The following BCAN variants were observed in gnomAD, a reference collection of about 807,000 sequenced individuals.
BCAN encodes brevican core protein.
In BCAN, 51 loss-of-function variants were observed where a neutral mutation model predicts 92.4. That is an observed-to-expected ratio of 0.55 (90% confidence interval 0.44 to 0.70). The LOEUF is 0.70. BCAN is among the 30% of genes least tolerant of loss of function. The pLI is 0.00. For synonymous variants in BCAN, 501 were observed against 505.2 expected (o/e 0.99, Z 0.11); for missense variants, 1,140 against 1,212.1 (o/e 0.94, Z 0.88).
chr1:156,643,914 G>C (rs1464611435), intron 1 of BCAN: 1 of 152,374 alleles, frequency 6.6e-6, no homozygotes. Context: ...TCTGGAGGAA[G>C]AGAAGAGGAA....
chr1:156,645,975 T>A (rs2102554869), intron 1 of BCAN, 72 bp from the exon 2 acceptor site: 2 of 1,312,692 alleles, frequency 1.5e-6, no homozygotes, highest in East Asian at 5.0e-5. Context: ...CCCACATGGG[T>A]GTGGTAGGGA....
In BCAN at chr1:156,642,128, G is replaced by A. The variant is rs1221416091; in HGVS notation, c.-156G>A. ...GGAGGGCCGGCGCCCTCTTCCGAAT[G>A]TCCTGCGGCCCCAGCCTCTCCTCAC... On this transcript the variant is annotated 5_prime_UTR_variant, in exon 1 of 14. The change abolishes an upstream ATG in the 5' untranslated region. Coordinates refer to ENST00000329117, the MANE Select transcript of BCAN (RefSeq NM_021948.5). The surrounding 1 kb of genome is among the most constrained non-coding windows in gnomAD (Gnocchi z 4.2). 6.6e-6 allele frequency: 1 copy of A among 152,330 alleles called. No individual in the cohort carries two copies. The highest frequency in any genetic ancestry group is 2.4e-5 in the African/African-American group (1 of 41,464). 9.4% of individuals were successfully genotyped at this position (152,330 alleles called of 1,614,324 possible).
intron 10 of BCAN, chr1:156,657,382 C>T: frequency 1.8e-6 from 1 of 557,998 alleles, no homozygotes; most frequent in Non-Finnish European, 3.1e-6. Flanking sequence ...CCTCCCTGCT[C>T]TCCGACCTCC....
chr1:156,647,738 C>T lies in BCAN; in HGVS notation c.641+56C>T. On this transcript the variant is annotated intron_variant, in intron 4 of 13. Coordinates refer to ENST00000329117, the MANE Select transcript of BCAN (RefSeq NM_021948.5). This position sits in a 1 kb window ranked among gnomAD's most constrained non-coding sequence, Gnocchi z 4.8. Reference sequence around the variant, plus strand: ...TTGGCCCCTGAGGTGGCCATGGCCCCCCTTCTGCTGGGTGCTGCCTGCTGT... The same window carrying T: ...TTGGCCCCTGAGGTGGCCATGGCCCTCCTTCTGCTGGGTGCTGCCTGCTGT... 1 of 1,554,296 alleles carries T rather than the reference C, an allele frequency of 6.4e-7. No homozygotes were observed. The highest frequency in any genetic ancestry group is 1.2e-5 in the South Asian group (1 of 83,364).
chr1:156,658,038 C>T lies in BCAN; in HGVS notation c.2293-89C>T, dbSNP rs368996554. 114 of 1,496,178 alleles carry T rather than the reference C, an allele frequency of 7.6e-5. 3 individuals carry two copies. In the East Asian group the frequency reaches 9.5e-4, roughly 12 times the overall value. The allele number at this position is 1,496,178 out of a possible 1,614,324, so 92.7% of individuals were successfully genotyped here. Reference sequence around the variant, plus strand: ...CCTAACCTTCCCTCTCCTGGGGCCCCGCTCACCAGCCCTCCTCCCCAGATC... The same window carrying T: ...CCTAACCTTCCCTCTCCTGGGGCCCTGCTCACCAGCCCTCCTCCCCAGATC... On this transcript the variant is annotated intron_variant, in intron 11 of 13. Transcript: ENST00000329117. The surrounding 1 kb of genome is among the most constrained non-coding windows in gnomAD (Gnocchi z 4.4).
chr1:156,657,282 C>T lies in BCAN; in HGVS notation c.2209+186C>T, dbSNP rs1679367269. 7 of 894,568 alleles carry T rather than the reference C, an allele frequency of 7.8e-6. No homozygotes were observed. The South Asian group carries it at 9.4e-5, about 12-fold the overall frequency. 55.4% of individuals were successfully genotyped at this position (894,568 alleles called of 1,614,324 possible). The stretch of plus-strand genomic sequence containing the variant: ...TTCCCACCCTACGCTTAGGCAGTGG[C>T]CTTCGGGAACGGAGAGTGGAGGTTC... On this transcript the variant is annotated intron_variant, in intron 10 of 13. Transcript: ENST00000329117.
intron 8 of BCAN, 120 bp downstream of exon 8, chr1:156,653,012 T>C: frequency 6.6e-7 from 1 of 1,526,466 alleles, no homozygotes; most frequent in South Asian, 1.3e-5. Flanking sequence ...TCCTGTCCTT[T>C]GCCTTCATTC....
intron 10 of BCAN, 82 bp from the exon 11 acceptor site, chr1:156,657,593 C>A: frequency 8.7e-7 from 1 of 1,148,948 alleles, no homozygotes; most frequent in South Asian, 1.4e-5. Context: ...GTTTCCAAGG[C>A]AGTCACCGCA....
rs369521694 is a variant in BCAN at position 156,659,172 on chromosome 1, C to G, written c.*38C>G. 1.3e-5 allele frequency: 19 copies of G among 1,473,756 alleles called. No individual in the cohort carries two copies. In the African/African-American group the frequency reaches 2.7e-4, roughly 21 times the overall value. The allele number at this position is 1,473,756 out of a possible 1,614,324, so 91.3% of individuals were successfully genotyped here. A position where few individuals can be genotyped will look rare whatever the true frequency, so the allele number is the denominator to read the frequency against. ...TGAACACTGCCGGCCACAGCACTGCCCTGTCACCCAAATTTTCCCTCACAC... is the reference window on the plus strand; with the variant it reads ...TGAACACTGCCGGCCACAGCACTGCGCTGTCACCCAAATTTTCCCTCACAC... On this transcript the variant is annotated 3_prime_UTR_variant, in exon 14 of 14. Coordinates refer to ENST00000329117, the MANE Select transcript of BCAN (RefSeq NM_021948.5).
Position 156,647,914 on chromosome 1 carries a change from A to G in BCAN, c.642-69A>G. 6.2e-7 allele frequency: 1 copy of G among 1,603,562 alleles called. No homozygotes were observed. Among genetic ancestry groups the G allele is most frequent in the Non-Finnish European group, 8.5e-7 (1 of 1,170,842 alleles). On this transcript the variant is annotated intron_variant, in intron 4 of 13. Coordinates refer to ENST00000329117, the MANE Select transcript of BCAN (RefSeq NM_021948.5). This position sits in a 1 kb window ranked among gnomAD's most constrained non-coding sequence, Gnocchi z 4.8. ...TGCACTGTGGTGGCAGTGGGGTTCA[A>G]TAGAATCAATATGGGCTGGCTCCCT...
chr1:156,646,016 C>A, intron 1 of BCAN, 31 bp from the exon 2 acceptor site: 1 of 1,585,292 alleles, frequency 6.3e-7, no homozygotes, highest in South Asian at 1.1e-5. Flanking sequence ...GAAGTCTAAC[C>A]CCATCTTTCC....
At position 156,651,632 on chromosome 1, in the gene BCAN, G is replaced by A. The variant is rs748988983; in HGVS notation, c.1240G>A (p.Gly414Arg). 1.1e-5 allele frequency: 17 copies of A among 1,613,758 alleles called. No homozygotes were observed. The highest frequency in any genetic ancestry group is 1.6e-4 in the Middle Eastern group (1 of 6,062). Reference sequence around the variant, plus strand: ...CTACTCCATCCCCATCATGGAGGACGGAGGAGGTGGAAGCTCCACTCCAGA... The same window carrying A: ...CTACTCCATCCCCATCATGGAGGACAGAGGAGGTGGAAGCTCCACTCCAGA... Reference protein sequence around the residue: ...AIYSIPIMEDGGGGSSTPEDP... With the variant: ...AIYSIPIMEDRGGGSSTPEDP... The change falls in exon 7 of 14, where the codon GGA (glycine) becomes AGA (arginine). Residue 414 changes from glycine to arginine, a missense_variant. Physicochemically the swap from Gly to Arg is moderately radical, Grantham distance 125. Transcript: ENST00000329117.
At chr1:156,651,359 A>G in intron 6 of BCAN, 97 bp from the exon 7 acceptor site, 1 of 1,128,910 alleles carries the variant, frequency 8.9e-7, no homozygotes, top group Non-Finnish European at 1.3e-6. Context: ...CACAGGGAAG[A>G]TGTGAGAGAA....
chr1:156,652,816 G>C lies in BCAN; in HGVS notation c.1866G>C (p.Gly622=). 6.2e-7 allele frequency: 1 copy of C among 1,613,798 alleles called. No homozygotes were observed. The highest frequency in any genetic ancestry group is 8.5e-7 in the Non-Finnish European group (1 of 1,179,888). Residue 622 remains glycine (G), a synonymous_variant, in exon 8 of 14, where the codon GGG becomes GGC. Transcript: ENST00000329117. Reference sequence around the variant, plus strand: ...ATTCTGGAAGAACTGCCCCAGCAGGGACCTCAGTGCAGGCCCAGCCAGTGC... The same window carrying C: ...ATTCTGGAAGAACTGCCCCAGCAGGCACCTCAGTGCAGGCCCAGCCAGTGC... The part of the protein sequence containing the change: ...EDNSGRTAPA[G]TSVQAQPVLP...
Position 156,652,566 on chromosome 1 carries a change from C to G in BCAN, c.1616C>G (p.Pro539Arg), listed in dbSNP as rs752208249. ...AGGCCTCCAAGGGTCCATGGACCAC[C>G]TACTGAGACTCTGCCCACTCCCAGG... ...ASRPPRVHGPPTETLPTPRER... is the reference protein window; with the variant it reads ...ASRPPRVHGPRTETLPTPRER... The change falls in exon 8 of 14, where the codon CCT becomes CGT. Residue 539 changes from proline to arginine, a missense_variant. Around this residue, in one of 3 missense-constraint regions of BCAN, gnomAD observed 825 missense variants for 871.8 expected, o/e 0.95. Transcript: ENST00000329117. 1.9e-6 allele frequency: 3 copies of G among 1,614,076 alleles called. No homozygotes were observed. In the Admixed American group the frequency reaches 5.0e-5, roughly 27 times the overall value.
rs1363013016 is a variant in BCAN, at chr1:156,658,654, A to G, written c.2549A>G (p.Gln850Arg). 2 of 1,614,172 alleles carry G rather than the reference A, an allele frequency of 1.2e-6. No homozygotes were observed. The highest frequency in any genetic ancestry group is 1.7e-6 in the Non-Finnish European group (2 of 1,180,050). The change falls in exon 13 of 14, where the codon CAG (glutamine) becomes CGG (arginine). Residue 850 changes from glutamine to arginine, a missense_variant. By Grantham distance (43) the Gln-to-Arg change is conservative. Coordinates refer to ENST00000329117, the MANE Select transcript of BCAN (RefSeq NM_021948.5). This position sits in a 1 kb window ranked among gnomAD's most constrained non-coding sequence, Gnocchi z 4.4. ...TACCGGTGCCGGGAAGGACTGGCCC[A>G]GCGCAATCTGCCGCTGATCCGATGC... ...LRYRCREGLA[Q>R]RNLPLIRCQE...
intron 1 of BCAN, chr1:156,644,541 A>G (rs1678898805): frequency 6.6e-6 from 1 of 152,224 alleles, no homozygotes; most frequent in Admixed American, 6.5e-5. Flanking sequence ...CCCCATCAAG[A>G]ACCTCCTCCC....
chr1:156,645,317 G>T (rs1472755723), intron 1 of BCAN, among the ~76,000 whole-genome samples: 1 of 152,222 alleles, frequency 6.6e-6, no homozygotes, highest in African/African-American at 2.4e-5. Flanking sequence ...GGGAAAGCCC[G>T]TGCCAGGCAG....
chr1:156,642,506 C>T lies in BCAN; in HGVS notation c.-9+231C>T, dbSNP rs891771704. 4.6e-5 allele frequency: 7 copies of T among 152,408 alleles called. No individual in the cohort carries two copies. The highest frequency in any genetic ancestry group is 1.3e-4 in the Admixed American group (2 of 15,296). 9.4% of individuals were successfully genotyped at this position (152,408 alleles called of 1,614,324 possible). ...TTCCAGCTCTGCCAGTGGCAGCCCC[C>T]CTGCTGCTCGCAGTCTGATCAGCAA... On this transcript the variant is annotated intron_variant, in intron 1 of 13. Coordinates refer to ENST00000329117, the MANE Select transcript of BCAN (RefSeq NM_021948.5). The surrounding 1 kb of genome is among the most constrained non-coding windows in gnomAD (Gnocchi z 4.2).
Sources: allele counts gnomAD v4.1 joint callset (sites outside exome capture counted in the v4.1 genomes callset), GRCh38; gene constraint gnomAD v4.1.1; regional missense constraint gnomAD v4.1.1; non-coding constraint Gnocchi (gnomAD v3.1); transcripts MANE v1.5; gene names NCBI Gene and HGNC (gene_info 2026-07-23, HGNC 2026-07-21).